Variants in MCTP2 observed in about 807,000 individuals in gnomAD.
MCTP2 encodes the protein multiple C2 and transmembrane domain-containing protein 2.
In MCTP2, 132 loss-of-function variants were observed where a neutral mutation model predicts 111.6. The observed-to-expected ratio is 1.18, with a 90% CI of 1.03 to 1.37. MCTP2 has a LOEUF of 1.37. MCTP2 is among the 40% of genes most tolerant of loss of function. The pLI is 0.00. For synonymous variants in MCTP2, 395 were observed against 387.7 expected (o/e 1.02, Z -0.22); for missense variants, 1,183 against 1,067.9 (o/e 1.11, Z -1.50).
chr15:94,475,708 C>T (rs924019075), intron 21 of MCTP2, among the ~76,000 whole-genome samples: 2 of 152,162 alleles, frequency 1.3e-5, no homozygotes, highest in African/African-American at 2.4e-5. Context: ...AACGGGTTGA[C>T]ATTTGGTGAA....
Position 94,301,282 on chromosome 15 carries a change from C to CTAGTTCTGCCCA in MCTP2, c.465+2552_465+2553insTAGTTCTGCCCA. ...AGGGACGGGAGTGCGGCTGATCAGA[C>CTAGTTCTGCCCA]CCCTAGGATCCCTTGCAGTCTAGTT... On this transcript the variant is annotated intron_variant, in intron 2 of 22. Transcript: ENST00000357742. 2.6e-5 allele frequency among the ~76,000 whole-genome samples: 4 copies of CTAGTTCTGCCCA among 152,196 alleles called. No individual in the cohort carries two copies. In the South Asian group the frequency reaches 8.3e-4, roughly 32 times the overall value.
intron 2 of MCTP2, among the ~76,000 whole-genome samples, chr15:94,310,985 C>G (rs1333671425): frequency 6.7e-6 from 1 of 148,818 alleles, no homozygotes; most frequent in Non-Finnish European, 1.5e-5. Flanking sequence ...AGGGAATCCA[C>G]AGTGCTTGGT....
chr15:94,266,360 G>A (rs1036219408), intron 1 of MCTP2, among the ~76,000 whole-genome samples: 3 of 152,166 alleles, frequency 2.0e-5, no homozygotes, highest in South Asian at 2.1e-4. Flanking sequence ...TTATTTGTCT[G>A]TCTCCTCCTC....
intron 17 of MCTP2, among the ~76,000 whole-genome samples, chr15:94,433,640 G>A (rs2083306182): frequency 6.6e-6 from 1 of 152,150 alleles, no homozygotes; most frequent in Non-Finnish European, 1.5e-5. Context: ...GTGAATTATG[G>A]TAAATATATG....
intron 1 of MCTP2, among the ~76,000 whole-genome samples, chr15:94,292,114 A>T (rs2075060606): frequency 6.6e-6 from 1 of 152,254 alleles, no homozygotes; most frequent in Non-Finnish European, 1.5e-5. Flanking sequence ...GAAATGTATG[A>T]TACTGAAATA....
intron 10 of MCTP2, among the ~76,000 whole-genome samples, chr15:94,367,369 A>G (rs1045532094): frequency 6.6e-6 from 1 of 152,080 alleles, no homozygotes; most frequent in Admixed American, 6.5e-5. Flanking sequence ...TTCATTTTCC[A>G]TCTGCCGATG....
At chr15:94,379,947 A>C (rs1007189514) in intron 12 of MCTP2, among the ~76,000 whole-genome samples, 29 of 149,212 alleles carry the variant, frequency 1.9e-4, no homozygotes, top group African/African-American at 6.4e-4. Flanking sequence ...CTCCTAATAA[A>C]TTTGATGCTT....
At chr15:94,258,705 T>C (rs979615457) in intron 1 of MCTP2, among the ~76,000 whole-genome samples, 3 of 152,226 alleles carry the variant, frequency 2.0e-5, no homozygotes, top group Non-Finnish European at 4.4e-5. Context: ...TTGCATTATG[T>C]TCATTACCTG....
chr15:94,321,760 T>C (rs2076640763), intron 4 of MCTP2, among the ~76,000 whole-genome samples: 1 of 152,192 alleles, frequency 6.6e-6, no homozygotes, highest in Admixed American at 6.5e-5. Context: ...AACTTTTGAA[T>C]TCCCCAAAAC....
At position 94,326,491 on chromosome 15, in the gene MCTP2, C is replaced by G. The variant is rs561805225; in HGVS notation, c.637+10854C>G. Among the ~76,000 whole-genome samples, 18 of 152,132 alleles carry G rather than the reference C, an allele frequency of 1.2e-4. 1 individual carries two copies. In the South Asian group the frequency reaches 3.7e-3, roughly 32 times the overall value. ...ATTGCCAATTTACTCTTGAGAAAGA[C>G]CTATTTGTTGACCTACTGGTGTGTG... On this transcript the variant is annotated intron_variant, in intron 4 of 22. Coordinates refer to ENST00000357742, the MANE Select transcript of MCTP2 (RefSeq NM_001385001.1).
At chr15:94,369,661 T>G (rs2079383024) in intron 11 of MCTP2, among the ~76,000 whole-genome samples, 1 of 152,146 alleles carries the variant, frequency 6.6e-6, no homozygotes, top group Non-Finnish European at 1.5e-5. Context: ...TGGGTCCAAG[T>G]TTAGTCCTCT....
At chr15:94,308,073 C>T (rs750905169) in intron 2 of MCTP2, among the ~76,000 whole-genome samples, 23 of 152,198 alleles carry the variant, frequency 1.5e-4, no homozygotes, top group Non-Finnish European at 2.9e-4. Context: ...CAGACCACAT[C>T]TATTTGGTTT....
chr15:94,344,742 C>G (rs907508739), intron 7 of MCTP2, among the ~76,000 whole-genome samples: 5 of 152,128 alleles, frequency 3.3e-5, no homozygotes, highest in African/African-American at 1.2e-4. Context: ...CATCAACTAT[C>G]AGTGGTCATG....
chr15:94,301,977 A>AT (rs1396321450), intron 2 of MCTP2, among the ~76,000 whole-genome samples: 3 of 151,972 alleles, frequency 2.0e-5, no homozygotes, highest in African/African-American at 7.3e-5. Context: ...CTTGTGTGGA[A>AT]TGAGGAAGAA....
chr15:94,269,489 T>C (rs2073791762), intron 1 of MCTP2, among the ~76,000 whole-genome samples: 2 of 152,204 alleles, frequency 1.3e-5, no homozygotes, highest in African/African-American at 4.8e-5. Flanking sequence ...TTTTCAATGA[T>C]TGCCTTATGA....
rs757474535 is a variant in MCTP2, at chr15:94,298,321, T to A, written c.56T>A (p.Leu19Ter). ...WGSLKQRTRP[L>*]LINLSKKKVK... ...TCATTAAAACAGCGGACCAGGCCAT[T>A]GTTGATCAACTTGAGCAAGAAGAAG... Residue 19 changes from leucine (L) to a stop codon, truncating the protein, a stop_gained, in exon 2 of 23, where the codon TTG becomes TAG. Transcript: ENST00000357742. LOFTEE classifies it high-confidence loss of function. The A allele has an allele frequency of 8.7e-6, 14 of 1,614,126 alleles. No individual in the cohort carries two copies. The Admixed American group carries it at 2.3e-4, about 27-fold the overall frequency.
chr15:94,420,453 T>G (rs1473330030), intron 17 of MCTP2, among the ~76,000 whole-genome samples: 1 of 152,156 alleles, frequency 6.6e-6, no homozygotes, highest in Non-Finnish European at 1.5e-5. Context: ...AATAAGAACC[T>G]TCTTGAAAGG....
chr15:94,372,298 C>A (rs975528197), intron 12 of MCTP2, among the ~76,000 whole-genome samples: 1 of 152,114 alleles, frequency 6.6e-6, no homozygotes, highest in East Asian at 1.9e-4. Flanking sequence ...GTGTTTAGAC[C>A]ATAATGGTCT....
chr15:94,309,161 A>G (rs184276862), intron 2 of MCTP2, among the ~76,000 whole-genome samples: 5 of 152,310 alleles, frequency 3.3e-5, no homozygotes, highest in African/African-American at 1.2e-4. Context: ...TCTCATTGCC[A>G]TGTAGCTCAC....
Sources: gnomAD v4.1 joint callset for allele counts (sites outside exome capture counted in the v4.1 genomes callset) on GRCh38, gnomAD v4.1.1 for gene constraint, MANE v1.5 for transcripts, NCBI Gene and HGNC (gene_info 2026-07-23, HGNC 2026-07-21) for gene names.